Variants in DLGAP2 observed in about 807,000 individuals in gnomAD.
DLGAP2 encodes disks large-associated protein 2.
Under a neutral mutation model 100.3 loss-of-function variants are expected in DLGAP2, and 26 were observed. The observed-to-expected ratio is 0.26, with a 90% CI of 0.19 to 0.36. The LOEUF (loss-of-function observed/expected upper bound fraction) is 0.36. DLGAP2 is among the 10% of genes least tolerant of loss of function. The probability of loss-of-function intolerance (pLI) is 1.00; values close to 1 mark genes in which losing one functional copy is unlikely to be tolerated. For synonymous variants in DLGAP2, 886 were observed against 630.1 expected, an observed-to-expected ratio of 1.41 and a Z score of -6.08; for missense variants, 1,858 against 1,453.2, an observed-to-expected ratio of 1.28 and a Z score of -4.53.
intron 2 of DLGAP2, among the ~76,000 whole-genome samples, chr8:1,254,408 C>T (rs1164154545): frequency 2.6e-5 from 4 of 152,102 alleles, no homozygotes; most frequent in Admixed American, 6.5e-5. Flanking sequence ...AGTGTCATGC[C>T]AAGGTCTCAG....
chr8:1,010,250 A>G (rs192449697), intron 2 of DLGAP2, among the ~76,000 whole-genome samples: 17 of 152,038 alleles, frequency 1.1e-4, no homozygotes, highest in African/African-American at 3.9e-4. Context: ...ATGTGCCCAC[A>G]TATGCGCACA....
intron 8 of DLGAP2, among the ~76,000 whole-genome samples, chr8:1,662,916 CTG>C (rs1167971106): frequency 4.6e-5 from 6 of 131,332 alleles, no homozygotes; most frequent in African/African-American, 9.0e-5. Flanking sequence ...GGATGCATGT[CTG>C]TGTGTACACG....
Position 1,676,702 on chromosome 8 carries a change from G to A in DLGAP2, c.2288+84G>A, listed in dbSNP as rs543622259. The A allele has an allele frequency of 2.5e-4, 338 of 1,371,474 alleles. No individual in the cohort carries two copies. In the African/African-American group the frequency reaches 3.8e-3, roughly 16 times the overall value. 85.0% of individuals were successfully genotyped at this position (1,371,474 alleles called of 1,614,324 possible). A position where few individuals can be genotyped will look rare whatever the true frequency, so the allele number is the denominator to read the frequency against. On this transcript the variant is annotated intron_variant, in intron 11 of 14. Transcript: ENST00000637795. ...CTGATGGAAGCTCCTAGATCCTGCC[G>A]GCCCTCAATCATGCCTGTCCTTGTG...
chr8:1,451,789 A>G (rs1798166718), intron 3 of DLGAP2, among the ~76,000 whole-genome samples: 1 of 151,972 alleles, frequency 6.6e-6, no homozygotes, highest in African/African-American at 2.4e-5. Flanking sequence ...AGGCCACAAC[A>G]TTCTCCCAAC....
At chr8:1,158,432 C>G (rs1796832637) in intron 2 of DLGAP2, among the ~76,000 whole-genome samples, 1 of 152,194 alleles carries the variant, frequency 6.6e-6, no homozygotes, top group Non-Finnish European at 1.5e-5. Flanking sequence ...CCAACTTTTA[C>G]TGTATGCTTG....
intron 2 of DLGAP2, among the ~76,000 whole-genome samples, chr8:1,083,586 C>A (rs1426964561): frequency 1.3e-5 from 2 of 152,074 alleles, no homozygotes; most frequent in African/African-American, 4.8e-5. Context: ...CAACCTTTTC[C>A]CTCATAATTA....
chr8:1,678,512 C>G lies in DLGAP2; in HGVS notation c.2587C>G (p.Pro863Ala). The change falls in exon 12 of 15, where the codon CCG (proline) becomes GCG (alanine). Residue 863 changes from proline to alanine, a missense_variant. Coordinates refer to ENST00000637795, the MANE Select transcript of DLGAP2 (RefSeq NM_001346810.2). ...CACGGTAGAGACTGGGAGGATGTCT[C>G]CGTGCCGCAGGGATGGCTCGTGGTT... ...IDTVETGRMS[P>A]CRRDGSWFLK... 1 of 1,609,770 alleles carries G rather than the reference C, an allele frequency of 6.2e-7. No homozygotes were observed. The highest frequency in any genetic ancestry group is 8.5e-7 in the Non-Finnish European group (1 of 1,178,078).
At chr8:1,444,170 T>C (rs1458104603) in intron 3 of DLGAP2, among the ~76,000 whole-genome samples, 1 of 152,040 alleles carries the variant, frequency 6.6e-6, no homozygotes, top group Non-Finnish European at 1.5e-5. Flanking sequence ...ACTACAGCCT[T>C]GAACTCCTGG....
intron 2 of DLGAP2, among the ~76,000 whole-genome samples, chr8:1,203,226 C>T (rs957541864): frequency 5.3e-5 from 8 of 152,152 alleles, no homozygotes; most frequent in African/African-American, 1.9e-4. Context: ...CCTGCAGCAC[C>T]CACCCCTCAG....
intron 2 of DLGAP2, among the ~76,000 whole-genome samples, chr8:1,171,920 G>T (rs1391218053): frequency 6.6e-6 from 1 of 152,136 alleles, no homozygotes; most frequent in East Asian, 1.9e-4. Flanking sequence ...ATTTGATCCT[G>T]TCATTATGAT....
chr8:1,592,185 T>C (rs1414724113), intron 6 of DLGAP2, among the ~76,000 whole-genome samples: 4 of 152,168 alleles, frequency 2.6e-5, no homozygotes, highest in African/African-American at 9.7e-5. Flanking sequence ...TGGCCGCAGC[T>C]CTCCATGGTT....
chr8:1,098,143 C>T (rs994349269), intron 2 of DLGAP2, among the ~76,000 whole-genome samples: 3 of 152,240 alleles, frequency 2.0e-5, no homozygotes, highest in Admixed American at 2.0e-4. Flanking sequence ...CACGTCCCTC[C>T]CCAAGAGCAC....
At chr8:957,488 G>T (rs917692497) in intron 2 of DLGAP2, among the ~76,000 whole-genome samples, 2 of 152,222 alleles carry the variant, frequency 1.3e-5, no homozygotes, top group African/African-American at 2.4e-5. Context: ...CACCAGCCTA[G>T]AGATGCTGAT....
intron 3 of DLGAP2, among the ~76,000 whole-genome samples, chr8:1,373,069 G>C (rs1802285282): frequency 6.6e-6 from 1 of 152,232 alleles, no homozygotes. Flanking sequence ...CTGGAGTGCG[G>C]AGGCTTCGCT....
rs928228075 is a variant in DLGAP2, at chr8:1,199,949, C to T, written c.74-58902C>T. ...GAGGTGGAAGGATTCCCCCCCACAACCCCCCGCAGAGGCCGGGTCTCAGCA... is the reference window on the plus strand; with the variant it reads ...GAGGTGGAAGGATTCCCCCCCACAATCCCCCGCAGAGGCCGGGTCTCAGCA... On this transcript the variant is annotated intron_variant, in intron 2 of 14. Coordinates refer to ENST00000637795, the MANE Select transcript of DLGAP2 (RefSeq NM_001346810.2). 2.7e-5 allele frequency among the ~76,000 whole-genome samples: 4 copies of T among 147,624 alleles called. No individual in the cohort carries two copies. The East Asian group carries it at 8.1e-4, about 30-fold the overall frequency.
At position 1,358,776 on chromosome 8, in the gene DLGAP2, G is replaced by A. The variant is rs181318883; in HGVS notation, c.106+99893G>A. The stretch of plus-strand genomic sequence containing the variant: ...CCTATTCTTCTGCGGTGGGCTAAGC[G>A]GGGCTGGGCGGCCTGGAACCGAACT... On this transcript the variant is annotated intron_variant, in intron 3 of 14. Coordinates refer to ENST00000637795, the MANE Select transcript of DLGAP2 (RefSeq NM_001346810.2). 2.6e-4 allele frequency among the ~76,000 whole-genome samples: 40 copies of A among 152,234 alleles called. No individual in the cohort carries two copies. The South Asian group carries it at 2.7e-3, about 10-fold the overall frequency.
chr8:956,582 G>A (rs55805912), intron 2 of DLGAP2, among the ~76,000 whole-genome samples: 24,863 of 152,180 alleles, frequency 0.16, 2,607 homozygotes, highest in Non-Finnish European at 0.24. Context: ...GCCACGCATC[G>A]TGGGCATCAA....
chr8:1,043,906 G>C (rs376666126), intron 2 of DLGAP2, among the ~76,000 whole-genome samples: 118 of 152,150 alleles, frequency 7.8e-4, no homozygotes, highest in African/African-American at 2.7e-3. Context: ...GGCAGGTGTG[G>C]AGAGACGGGC....
intron 2 of DLGAP2, among the ~76,000 whole-genome samples, chr8:1,205,061 A>T (rs1797960501): frequency 6.6e-6 from 1 of 152,106 alleles, no homozygotes; most frequent in African/African-American, 2.4e-5. Context: ...ATCATGGGGA[A>T]CCGGAATGTG....
Sources: gnomAD v4.1 joint callset for allele counts (sites outside exome capture counted in the v4.1 genomes callset) on GRCh38, gnomAD v4.1.1 for gene constraint, MANE v1.5 for transcripts, NCBI Gene and HGNC (gene_info 2026-07-23, HGNC 2026-07-21) for gene names.